Variants in SLC25A53 observed in about 807,000 individuals in gnomAD.
SLC25A53 encodes the protein solute carrier family 25 member 53.
Under a neutral mutation model 15.0 loss-of-function variants are expected in SLC25A53, and 5 were observed. That is an observed-to-expected ratio of 0.33 (90% CI 0.17 to 0.70). SLC25A53 has a LOEUF of 0.70. Among genes scored for constraint, SLC25A53 ranks in the 30% least tolerant of loss-of-function variants. The pLI, the probability that SLC25A53 is intolerant of heterozygous loss-of-function variation, is 0.67. For synonymous variants in SLC25A53, 95 were observed against 100.0 expected (o/e 0.95, Z 0.30); for missense variants, 216 against 241.6 (o/e 0.89, Z 0.70).
At chrX:104,111,011 A>T (rs782197527) in intron 1 of SLC25A53, among the ~76,000 whole-genome samples, 4 of 112,625 alleles carry the variant, frequency 3.6e-5, no homozygotes, top group African/African-American at 1.3e-4. Context: ...TTTGCATACA[A>T]TTCCAGGAAG....
chrX:104,145,727 T>C (rs1262923068), intron 1 of SLC25A53, among the ~76,000 whole-genome samples: 5 of 112,384 alleles, frequency 4.4e-5, no homozygotes, highest in African/African-American at 1.6e-4. Flanking sequence ...GATGAATTCC[T>C]GCACACATAC....
chrX:104,141,673 C>T (rs782729761), intron 1 of SLC25A53, among the ~76,000 whole-genome samples: 2 of 111,529 alleles, frequency 1.8e-5, no homozygotes, highest in Admixed American at 9.5e-5. Context: ...CTGCAGTCTC[C>T]ACCGCCTCAG....
At chrX:104,156,252 C>T (rs2075500763) in intron 1 of SLC25A53, among the ~76,000 whole-genome samples, 1 of 111,001 alleles carries the variant, frequency 9.0e-6, no homozygotes, top group African/African-American at 3.3e-5. Context: ...CGTCCCAGAT[C>T]TCAACTCCCA....
At position 104,115,670 on chromosome X, in the gene SLC25A53, T is replaced by C. The variant is rs782716390; in HGVS notation, c.-31-10382A>G. On this transcript the variant is annotated intron_variant, in intron 1 of 1. Transcript: ENST00000594199. ...GAAACTCAGCACCCTTTTGTAACCA[T>C]TGTCAGCCCTTTGGTGAATGTCCTT... 1.6e-5 allele frequency: 3 copies of C among 190,137 alleles called. No homozygotes were observed. The East Asian group carries it at 3.7e-4, about 24-fold the overall frequency. 15.7% of individuals were successfully genotyped at this position (190,137 alleles called of 1,213,427 possible).
At chrX:104,119,854 A>C (rs2075388244) in intron 1 of SLC25A53, among the ~76,000 whole-genome samples, 1 of 111,927 alleles carries the variant, frequency 8.9e-6, no homozygotes, top group Non-Finnish European at 1.9e-5. Flanking sequence ...CCAAAACAAA[A>C]CAAAACACTC....
chrX:104,112,509 G>T (rs1556359400), intron 1 of SLC25A53: 1 of 113,786 alleles, frequency 8.8e-6, no homozygotes, highest in Admixed American at 9.1e-5. Context: ...TGGCCGCGTC[G>T]CCCGGCCCGT....
chrX:104,099,271 A>G lies in SLC25A53; in HGVS notation c.*5063T>C, dbSNP rs1176842532. 1 of 112,431 alleles carries G rather than the reference A, an allele frequency of 8.9e-6. No homozygotes were observed. The highest frequency in any genetic ancestry group is 2.8e-4 in the East Asian group (1 of 3,631). 9.3% of individuals were successfully genotyped at this position (112,431 alleles called of 1,213,427 possible). On this transcript the variant is annotated 3_prime_UTR_variant, in exon 2 of 2. Transcript: ENST00000594199. ...AAATAGCTAGAAGAGAAGATTTGGA[A>G]TGTTCCCAATGCAAAGAAATGATAA... is the stretch of plus-strand genomic sequence containing the variant.
chrX:104,138,068 T>G (rs1337832614), intron 1 of SLC25A53, among the ~76,000 whole-genome samples: 1 of 111,846 alleles, frequency 8.9e-6, no homozygotes, highest in Non-Finnish European at 1.9e-5. Flanking sequence ...TTTTAGGCTT[T>G]GTGCATTTGA....
At chrX:104,115,119 T>C (rs1337407819) in intron 1 of SLC25A53, 12 of 1,201,646 alleles carry the variant, frequency 1.0e-5, no homozygotes, top group Non-Finnish European at 1.3e-5. Context: ...GTCCTGGGAA[T>C]ATTCGTAGAG....
chrX:104,114,995 C>T (rs1419754171), intron 1 of SLC25A53: 2 of 1,193,120 alleles, frequency 1.7e-6, no homozygotes, highest in African/African-American at 3.5e-5. Context: ...ACAGGTGCCC[C>T]TCCCTTCAGA....
At chrX:104,126,932 A>C (rs2075412483) in intron 1 of SLC25A53, among the ~76,000 whole-genome samples, 1 of 112,458 alleles carries the variant, frequency 8.9e-6, no homozygotes, top group Non-Finnish European at 1.9e-5. Context: ...GGCTCTGGAA[A>C]TCATTCTGGC....
In SLC25A53 at chrX:104,104,302, A is replaced by G. The variant is rs1171576832; in HGVS notation, c.*32T>C. ...TAGAACCAACCAGGGAAGATTTAGAATAACAAAGCTGCCATGCCACACTTT... is the reference window on the plus strand; with the variant it reads ...TAGAACCAACCAGGGAAGATTTAGAGTAACAAAGCTGCCATGCCACACTTT... On this transcript the variant is annotated 3_prime_UTR_variant, in exon 2 of 2. Transcript: ENST00000594199. The G allele has an allele frequency of 1.6e-5, 19 of 1,184,801 alleles. No individual in the cohort carries two copies. The highest frequency in any genetic ancestry group is 2.1e-5 in the Non-Finnish European group (18 of 877,815).
chrX:104,110,025 T>C (rs1258348006), intron 1 of SLC25A53, among the ~76,000 whole-genome samples: 2 of 111,481 alleles, frequency 1.8e-5, no homozygotes, highest in African/African-American at 6.5e-5. Flanking sequence ...ACTACCCCCA[T>C]CCCTGCATGA....
intron 1 of SLC25A53, among the ~76,000 whole-genome samples, chrX:104,125,952 CCA>C (rs782251490): frequency 1.8e-5 from 2 of 111,774 alleles, no homozygotes; most frequent in South Asian, 7.4e-4. Context: ...TCAATTTTCC[CCA>C]CAGTTATCTA....
intron 1 of SLC25A53, among the ~76,000 whole-genome samples, chrX:104,153,564 T>C (rs1328436611): frequency 8.9e-6 from 1 of 111,943 alleles, no homozygotes; most frequent in Non-Finnish European, 1.9e-5. Flanking sequence ...CATTGTCTTT[T>C]TAATTTTTAA....
chrX:104,156,727 A>C (rs1320975715), intron 1 of SLC25A53, among the ~76,000 whole-genome samples, 151 bp downstream of exon 1: 7 of 109,805 alleles, frequency 6.4e-5, no homozygotes, highest in African/African-American at 2.3e-4. Context: ...CTACGCCATC[A>C]ATTCTCGCCG....
chrX:104,122,010 G>A (rs2075396050), intron 1 of SLC25A53, among the ~76,000 whole-genome samples: 1 of 95,662 alleles, frequency 1.0e-5, no homozygotes, highest in South Asian at 5.0e-4. Flanking sequence ...GGCCTCAAGT[G>A]ATCCTCCCGC....
chrX:104,129,831 T>C (rs1233217614), intron 1 of SLC25A53, among the ~76,000 whole-genome samples: 2 of 96,503 alleles, frequency 2.1e-5, no homozygotes, highest in Non-Finnish European at 4.1e-5. Context: ...TATATAAAAC[T>C]ACAAACACAT....
chrX:104,114,897 C>G (rs1325413635), intron 1 of SLC25A53: 1 of 1,201,874 alleles, frequency 8.3e-7, no homozygotes, highest in Non-Finnish European at 1.1e-6. Context: ...CTGACTGTAA[C>G]TGCAACGTGA....
Sources: allele counts gnomAD v4.1 joint callset (sites outside exome capture counted in the v4.1 genomes callset), GRCh38; gene constraint gnomAD v4.1.1; transcripts MANE v1.5; gene names NCBI Gene and HGNC (gene_info 2026-07-23, HGNC 2026-07-21).